Variants in CTNNA2 observed in about 807,000 individuals in gnomAD.
The protein encoded by CTNNA2 is catenin alpha-2.
Under a neutral mutation model 101.0 loss-of-function variants are expected in CTNNA2, and 42 were observed. That is an observed-to-expected ratio of 0.42 (90% CI 0.32 to 0.54). The LOEUF (loss-of-function observed/expected upper bound fraction) is 0.54, where lower values mean the gene tolerates loss of function less well. Among genes scored for constraint, CTNNA2 ranks in the 20% least tolerant of loss-of-function variants. CTNNA2 has a pLI of 0.14. For synonymous variants in CTNNA2, 450 were observed against 456.4 expected, an observed-to-expected ratio of 0.99 and a Z score of 0.18; for missense variants, 871 against 1,223.1, an observed-to-expected ratio of 0.71 and a Z score of 4.29.
At chr2:79,260,418 G>A in intron 2 of CTNNA2, among the ~76,000 whole-genome samples, 1 of 152,048 alleles carries the variant, frequency 6.6e-6, no homozygotes, top group East Asian at 1.9e-4. Flanking sequence ...CTTACCTCAG[G>A]AGCGTCTGAG....
intron 1 of CTNNA2, among the ~76,000 whole-genome samples, chr2:79,611,084 A>G (rs1678242288): frequency 6.6e-6 from 1 of 152,172 alleles, no homozygotes; most frequent in Admixed American, 6.6e-5. Context: ...ATGTATACCT[A>G]ATGAATATAT....
chr2:80,041,274 T>TA (rs1696036569), intron 7 of CTNNA2, among the ~76,000 whole-genome samples: 1 of 152,092 alleles, frequency 6.6e-6, no homozygotes, highest in African/African-American at 2.4e-5. Flanking sequence ...TTTTTATTTT[T>TA]TTTTTTTTAC....
At chr2:80,029,327 T>G (rs1479364943) in intron 7 of CTNNA2, 1 of 152,198 alleles carries the variant, frequency 6.6e-6, no homozygotes, top group Non-Finnish European at 1.5e-5. Context: ...CTGTGAGAGT[T>G]TCACTTGCTA....
At chr2:79,247,510 C>G (rs1674714651) in intron 2 of CTNNA2, among the ~76,000 whole-genome samples, 1 of 152,118 alleles carries the variant, frequency 6.6e-6, no homozygotes. Context: ...TGAAACAGGT[C>G]TGTGTCCTGA....
At chr2:79,731,986 T>TA (rs968215256) in intron 2 of CTNNA2, among the ~76,000 whole-genome samples, 23 of 151,750 alleles carry the variant, frequency 1.5e-4, no homozygotes, top group Admixed American at 3.9e-4. Flanking sequence ...CAAGTAACAT[T>TA]AAAAAAAATT....
intron 4 of CTNNA2, among the ~76,000 whole-genome samples, chr2:79,483,456 C>T (rs1671129019): frequency 6.6e-6 from 1 of 152,168 alleles, no homozygotes; most frequent in Non-Finnish European, 1.5e-5. Flanking sequence ...CCAGAACCTC[C>T]ACCATCTGAA....
Position 80,186,797 on chromosome 2 carries a change from T to C in CTNNA2, c.1057-206414T>C, listed in dbSNP as rs1706159032. 2.6e-5 allele frequency among the ~76,000 whole-genome samples: 4 copies of C among 152,334 alleles called. No homozygotes were observed. The South Asian group carries it at 6.2e-4, about 24-fold the overall frequency. On this transcript the variant is annotated intron_variant, in intron 7 of 18. Transcript: ENST00000402739. ...TTATGTATTTTTGTCTCTCTGCACATCCACACTTTTTTCTTATTTATGTCT... is the reference window on the plus strand; with the variant it reads ...TTATGTATTTTTGTCTCTCTGCACACCCACACTTTTTTCTTATTTATGTCT...
chr2:79,625,240 A>T (rs1197196203), intron 1 of CTNNA2, among the ~76,000 whole-genome samples: 1 of 152,218 alleles, frequency 6.6e-6, no homozygotes, highest in Non-Finnish European at 1.5e-5. Flanking sequence ...ACCAAAAGGA[A>T]CACATTTTAT....
chr2:80,365,633 T>G (rs1419203938), intron 7 of CTNNA2, among the ~76,000 whole-genome samples: 1 of 151,244 alleles, frequency 6.6e-6, no homozygotes, highest in Non-Finnish European at 1.5e-5. Flanking sequence ...ATTTCTAAAA[T>G]CATTTTGGCC....
At chr2:79,781,187 T>G (rs953713943) in intron 3 of CTNNA2, among the ~76,000 whole-genome samples, 3 of 152,198 alleles carry the variant, frequency 2.0e-5, no homozygotes, top group Non-Finnish European at 4.4e-5. Context: ...CCTCCCCTTT[T>G]TAGACCATAC....
chr2:80,348,773 G>A (rs1051384526), intron 7 of CTNNA2, among the ~76,000 whole-genome samples: 1 of 151,736 alleles, frequency 6.6e-6, no homozygotes, highest in Non-Finnish European at 1.5e-5. Flanking sequence ...CAACAAACAA[G>A]CAGAGAAGTT....
At chr2:79,738,797 A>G (rs1318424817) in intron 2 of CTNNA2, among the ~76,000 whole-genome samples, 2 of 152,212 alleles carry the variant, frequency 1.3e-5, no homozygotes, top group Admixed American at 1.3e-4. Flanking sequence ...CTGAGAAATG[A>G]ATGGAAAGAG....
intron 3 of CTNNA2, among the ~76,000 whole-genome samples, chr2:79,320,427 T>C (rs1408309462): frequency 6.8e-6 from 1 of 146,210 alleles, no homozygotes; most frequent in African/African-American, 2.6e-5. Context: ...ACTTGGAGTT[T>C]ATTGTACTTC....
intron 7 of CTNNA2, among the ~76,000 whole-genome samples, chr2:80,280,578 A>G (rs943949118): frequency 1.2e-4 from 19 of 152,156 alleles, no homozygotes; most frequent in Admixed American, 7.2e-4. Flanking sequence ...AGCCTGATAT[A>G]GATCTGCAAA....
chr2:79,300,892 C>A (rs968437525), intron 2 of CTNNA2, among the ~76,000 whole-genome samples: 1 of 152,086 alleles, frequency 6.6e-6, no homozygotes, highest in Non-Finnish European at 1.5e-5. Context: ...GCATGAAGTT[C>A]GAGTCTTTCA....
intron 1 of CTNNA2, among the ~76,000 whole-genome samples, chr2:79,646,593 A>G (rs950171485): frequency 5.3e-5 from 8 of 149,948 alleles, no homozygotes; most frequent in Non-Finnish European, 1.2e-4. Context: ...CAGTGGCACA[A>G]TCATGACTCA....
chr2:79,533,475 T>C (rs1162552994), intron 1 of CTNNA2, among the ~76,000 whole-genome samples: 2 of 152,166 alleles, frequency 1.3e-5, no homozygotes, highest in Non-Finnish European at 2.9e-5. Context: ...TCTAAAAGTA[T>C]ATTAAGACAT....
chr2:80,592,422 G>T (rs1363274674), intron 15 of CTNNA2, among the ~76,000 whole-genome samples: 1 of 152,120 alleles, frequency 6.6e-6, no homozygotes, highest in African/African-American at 2.4e-5. Context: ...TGCTCTCCAA[G>T]GCCTACCTTT....
intron 1 of CTNNA2, among the ~76,000 whole-genome samples, chr2:79,576,798 A>G (rs1675828090): frequency 6.6e-6 from 1 of 152,182 alleles, no homozygotes; most frequent in Non-Finnish European, 1.5e-5. Flanking sequence ...AAAATAAATT[A>G]TCGTTTTTCA....
Sources: gnomAD v4.1 joint callset for allele counts (sites outside exome capture counted in the v4.1 genomes callset) on GRCh38, gnomAD v4.1.1 for gene constraint, MANE v1.5 for transcripts, NCBI Gene and HGNC (gene_info 2026-07-23, HGNC 2026-07-21) for gene names.